MSRA: variants seen among roughly 807,000 people sequenced by gnomAD.
MSRA encodes the protein mitochondrial peptide methionine sulfoxide reductase.
MSRA carries 54 observed loss-of-function variants against 31.3 expected under a neutral mutation model. The observed-to-expected ratio is 1.73, with a 90% CI of 1.39 to 2.17. The LOEUF (loss-of-function observed/expected upper bound fraction) is 2.17. Among genes scored for constraint, MSRA ranks in the 30% most tolerant of loss-of-function variants. MSRA has a pLI of 0.00. For synonymous variants in MSRA, 169 were observed against 116.5 expected, an observed-to-expected ratio of 1.45 and a Z score of -2.90; for missense variants, 507 against 300.9, an observed-to-expected ratio of 1.69 and a Z score of -5.07.
At chr8:10,370,922 G>A (rs550775820) in intron 5 of MSRA, among the ~76,000 whole-genome samples, 1 of 152,312 alleles carries the variant, frequency 6.6e-6, no homozygotes, top group African/African-American at 2.4e-5. Flanking sequence ...GTTCTGGGAC[G>A]TGCTGTCACA....
At chr8:10,277,983 G>A (rs1162186324) in intron 3 of MSRA, among the ~76,000 whole-genome samples, 1 of 152,066 alleles carries the variant, frequency 6.6e-6, no homozygotes, top group Non-Finnish European at 1.5e-5. Flanking sequence ...ATTACAGCAG[G>A]GGCAAGTTGT....
intron 1 of MSRA, among the ~76,000 whole-genome samples, chr8:10,182,432 T>G (rs542545039): frequency 2.0e-5 from 3 of 152,180 alleles, no homozygotes; most frequent in African/African-American, 7.2e-5. Flanking sequence ...GGTCCTCTAC[T>G]TCAGAGTCTC....
chr8:10,164,587 A>G (rs145058471), intron 1 of MSRA, among the ~76,000 whole-genome samples: 29 of 152,364 alleles, frequency 1.9e-4, no homozygotes, highest in African/African-American at 6.7e-4. Context: ...TTGGGATTAC[A>G]TACTTGTACC....
Position 10,055,863 on chromosome 8 carries a change from C to CTTA in MSRA, c.142+1212_142+1214dup, listed in dbSNP as rs1202620771. 7.9e-5 allele frequency among the ~76,000 whole-genome samples: 12 copies of CTTA among 152,190 alleles called. No individual in the cohort carries two copies. In the East Asian group the frequency reaches 1.9e-3, roughly 24 times the overall value. On this transcript the variant is annotated intron_variant, in intron 1 of 5. Coordinates refer to ENST00000317173, the MANE Select transcript of MSRA (RefSeq NM_012331.5). The stretch of plus-strand genomic sequence containing the variant: ...GGCAGTTTAGAAATCGTGTGACTGG[C>CTTA]TTATTATTAATCGAATTAGCAGTTT...
At chr8:10,090,146 T>TTAA (rs1798784044) in intron 1 of MSRA, among the ~76,000 whole-genome samples, 1 of 152,302 alleles carries the variant, frequency 6.6e-6, no homozygotes, top group African/African-American at 2.4e-5. Context: ...AGAGACTTAA[T>TTAA]GCAGAGGGGG....
intron 2 of MSRA, among the ~76,000 whole-genome samples, chr8:10,244,079 G>A (rs1032014443): frequency 5.9e-5 from 9 of 152,090 alleles, no homozygotes; most frequent in African/African-American, 1.2e-4. Flanking sequence ...CAGCTCTGTC[G>A]TCAAATCTGG....
At chr8:10,402,306 T>G (rs1807515058) in intron 5 of MSRA, among the ~76,000 whole-genome samples, 1 of 152,212 alleles carries the variant, frequency 6.6e-6, no homozygotes, top group Non-Finnish European at 1.5e-5. Flanking sequence ...GACCCTGGCC[T>G]CCTATTCCAG....
chr8:10,370,878 A>G (rs957722029), intron 5 of MSRA, among the ~76,000 whole-genome samples: 21 of 152,192 alleles, frequency 1.4e-4, no homozygotes, highest in Non-Finnish European at 2.5e-4. Context: ...ATAAGTGCCA[A>G]TGTTGCCATG....
intron 5 of MSRA, among the ~76,000 whole-genome samples, chr8:10,391,946 C>T (rs959048429): frequency 6.6e-6 from 1 of 152,226 alleles, no homozygotes; most frequent in African/African-American, 2.4e-5. Flanking sequence ...CTGGATGGAA[C>T]ATGTCTCTAA....
At chr8:10,113,821 C>G (rs765323023) in intron 1 of MSRA, among the ~76,000 whole-genome samples, 23 of 151,768 alleles carry the variant, frequency 1.5e-4, no homozygotes, top group Non-Finnish European at 2.9e-4. Flanking sequence ...AATTCACATA[C>G]TGTAGAGTTC....
At chr8:10,082,762 T>G (rs972252176) in intron 1 of MSRA, among the ~76,000 whole-genome samples, 3 of 152,102 alleles carry the variant, frequency 2.0e-5, no homozygotes, top group Non-Finnish European at 4.4e-5. Flanking sequence ...CATCACACGG[T>G]TGTGTGGTTG....
At chr8:10,069,956 G>C (rs1337330495) in intron 1 of MSRA, among the ~76,000 whole-genome samples, 1 of 152,132 alleles carries the variant, frequency 6.6e-6, no homozygotes, top group Admixed American at 6.5e-5. Flanking sequence ...TTGAAATATT[G>C]ATATGTTTGT....
intron 2 of MSRA, among the ~76,000 whole-genome samples, chr8:10,211,945 C>T (rs930580762): frequency 5.9e-5 from 9 of 152,020 alleles, no homozygotes; most frequent in African/African-American, 2.2e-4. Context: ...TCAAAGCTTA[C>T]TAATTTAAAA....
At chr8:10,118,855 A>G (rs899748685) in intron 1 of MSRA, among the ~76,000 whole-genome samples, 7 of 152,208 alleles carry the variant, frequency 4.6e-5, no homozygotes, top group African/African-American at 1.7e-4. Flanking sequence ...TAGAACATGT[A>G]GGATACAGGG....
intron 5 of MSRA, among the ~76,000 whole-genome samples, chr8:10,356,863 T>A (rs1222627534): frequency 6.6e-5 from 10 of 150,534 alleles, no homozygotes; most frequent in Non-Finnish European, 7.4e-5. Flanking sequence ...GCACGTTCCT[T>A]GCTGCTGTTT....
chr8:10,139,580 A>C (rs907890490), intron 1 of MSRA, among the ~76,000 whole-genome samples: 3 of 152,186 alleles, frequency 2.0e-5, no homozygotes, highest in African/African-American at 7.2e-5. Context: ...CCATGTATAC[A>C]CATTATTTGG....
chr8:10,201,858 G>A (rs956184133), intron 1 of MSRA, among the ~76,000 whole-genome samples: 1 of 152,224 alleles, frequency 6.6e-6, no homozygotes, highest in Non-Finnish European at 1.5e-5. Context: ...TGGAGGACAC[G>A]TCACTGCCAT....
chr8:10,248,939 AAG>A (rs1346736659), intron 3 of MSRA, among the ~76,000 whole-genome samples: 1 of 152,174 alleles, frequency 6.6e-6, no homozygotes, highest in Non-Finnish European at 1.5e-5. Flanking sequence ...AGTCACTTGG[AAG>A]AGAGATTGGT....
chr8:10,137,202 G>C (rs1289552552), intron 1 of MSRA, among the ~76,000 whole-genome samples: 1 of 152,106 alleles, frequency 6.6e-6, no homozygotes, highest in Non-Finnish European at 1.5e-5. Flanking sequence ...ATTTTGACGT[G>C]AGTTTTCAAA....
Sources: allele counts gnomAD v4.1 joint callset (sites outside exome capture counted in the v4.1 genomes callset), GRCh38; gene constraint gnomAD v4.1.1; transcripts MANE v1.5; gene names NCBI Gene and HGNC (gene_info 2026-07-23, HGNC 2026-07-21).